PRKCD: variants seen among roughly 807,000 people sequenced by gnomAD.
PRKCD encodes protein kinase C delta type.
PRKCD carries 20 observed loss-of-function variants against 82.2 expected under a neutral mutation model. The ratio of observed to expected loss-of-function variants is 0.24; its 90% CI spans 0.17 to 0.35. PRKCD has a LOEUF of 0.35. Ranked by LOEUF, PRKCD falls within the 10% of genes least tolerant of loss-of-function variation. PRKCD has a pLI of 1.00. For missense variants in PRKCD, 607 were observed against 899.0 expected (o/e 0.68, Z 4.15); for synonymous variants, 317 against 337.0 (o/e 0.94, Z 0.65).
rs377760765 is a variant in PRKCD, at chr3:53,184,825, C to T, written c.788-49C>T. The T allele has an allele frequency of 6.3e-4, 974 of 1,545,678 alleles. 1 individual carries two copies. The highest frequency in any genetic ancestry group is 8.1e-4 in the Non-Finnish European group (905 of 1,118,388). ...TGCGCCTCTCCTACACTGCCCCCTG[C>T]CCTTGGCTGAGCTCTGAGACTGACA... On this transcript the variant is annotated intron_variant, in intron 9 of 18. Coordinates refer to ENST00000330452, the MANE Select transcript of PRKCD (RefSeq NM_006254.4).
intron 18 of PRKCD, among the ~76,000 whole-genome samples, chr3:53,190,881 G>A (rs1227883671): frequency 5.5e-5 from 8 of 144,680 alleles, no homozygotes; most frequent in African/African-American, 2.0e-4. Context: ...TGACAGGCTA[G>A]GCCAGCTGCA....
chr3:53,171,168 G>A (rs1277864628), intron 2 of PRKCD, among the ~76,000 whole-genome samples: 2 of 152,164 alleles, frequency 1.3e-5, no homozygotes, highest in African/African-American at 4.8e-5. Flanking sequence ...CACAGGATCT[G>A]GCTCTCTGGC....
At chr3:53,161,748 C>T (rs145149821) in intron 1 of PRKCD, among the ~76,000 whole-genome samples, 247 of 151,998 alleles carry the variant, frequency 1.6e-3, no homozygotes, top group Middle Eastern at 3.4e-3. Flanking sequence ...CCGTCTGTCG[C>T]CACCCACTCT....
In PRKCD at chr3:53,192,221, C is replaced by T. The variant is rs1482831888; in HGVS notation, c.1986C>T (p.Gly662=). The T allele has an allele frequency of 3.7e-6, 6 of 1,614,080 alleles. No individual in the cohort carries two copies. The highest frequency in any genetic ancestry group is 5.1e-6 in the Non-Finnish European group (6 of 1,180,038). The change falls in exon 19 of 19, where the codon GGC becomes GGT. Residue 662 remains glycine (G), a synonymous_variant. Transcript: ENST00000330452. ...CCATGGACCAGTCTGCATTCGCTGG[C>T]TTCTCCTTTGTGAACCCCAAATTCG... The part of the protein sequence containing the change: ...IDSMDQSAFA[G]FSFVNPKFEH...
At chr3:53,173,985 A>G (rs1242200787) in intron 2 of PRKCD, among the ~76,000 whole-genome samples, 1 of 151,984 alleles carries the variant, frequency 6.6e-6, no homozygotes, top group Admixed American at 6.5e-5. Flanking sequence ...TCTTCCCAAC[A>G]TGGCATACTG....
At chr3:53,188,885 G>T in intron 16 of PRKCD, 27 bp downstream of exon 16, 2 of 1,612,158 alleles carry the variant, frequency 1.2e-6, no homozygotes, top group Non-Finnish European at 1.7e-6. Context: ...CCAGCCCCCC[G>T]CTCAGTCAGG....
At chr3:53,183,000 T>C (rs1703507311) in intron 7 of PRKCD, 121 bp from the exon 8 acceptor site, 1 of 933,526 alleles carries the variant, frequency 1.1e-6, no homozygotes, top group Non-Finnish European at 1.7e-6. Flanking sequence ...GGTGAGGGTG[T>C]GGGCGGTCAG....
intron 10 of PRKCD, 73 bp from the exon 11 acceptor site, chr3:53,185,531 G>C (rs1354267472): frequency 7.9e-7 from 1 of 1,269,962 alleles, no homozygotes; most frequent in Admixed American, 1.7e-5. Flanking sequence ...TTATACCTGG[G>C]AGTCTTCCTT....
chr3:53,181,945 T>C lies in PRKCD; in HGVS notation c.571+213T>C, dbSNP rs1553667716. ...CTGCGCATCTCTTCCCAGCTCCGCATTCAGTGACGGGGAGTTGGTGGATGG... is the reference window on the plus strand; with the variant it reads ...CTGCGCATCTCTTCCCAGCTCCGCACTCAGTGACGGGGAGTTGGTGGATGG... On this transcript the variant is annotated intron_variant, in intron 7 of 18. Coordinates refer to ENST00000330452, the MANE Select transcript of PRKCD (RefSeq NM_006254.4). 3 of 755,856 alleles carry C rather than the reference T, an allele frequency of 4.0e-6. No homozygotes were observed. In the South Asian group the frequency reaches 4.4e-5, roughly 11 times the overall value. 46.8% of individuals were successfully genotyped at this position (755,856 alleles called of 1,614,324 possible).
At chr3:53,173,963 C>CG (rs1421776181) in intron 2 of PRKCD, among the ~76,000 whole-genome samples, 4 of 152,238 alleles carry the variant, frequency 2.6e-5, no homozygotes, top group African/African-American at 9.6e-5. Context: ...CCTTTTCTCT[C>CG]TCTTTGTCTC....
intron 11 of PRKCD, 89 bp from the exon 12 acceptor site, chr3:53,185,838 G>A: frequency 6.5e-7 from 1 of 1,532,906 alleles, no homozygotes; most frequent in Non-Finnish European, 9.0e-7. Context: ...CCTCTCTGAG[G>A]CCCCTTCCCC....
At chr3:53,188,319 C>A (rs1019580315) in intron 15 of PRKCD, among the ~76,000 whole-genome samples, 1 of 151,312 alleles carries the variant, frequency 6.6e-6, no homozygotes, top group African/African-American at 2.4e-5. Context: ...GTACTGTTTG[C>A]CATTTCTAGT....
intron 15 of PRKCD, 40 bp from the exon 16 acceptor site, chr3:53,188,680 A>G (rs201590983): frequency 8.3e-5 from 134 of 1,610,830 alleles, no homozygotes; most frequent in Non-Finnish European, 1.1e-4. Flanking sequence ...GAAGGAGAAG[A>G]AATGTCCCCT....
Position 53,167,321 on chromosome 3 carries a change from G to A in PRKCD, c.-20+2106G>A, listed in dbSNP as rs139177727. 3.8e-3 allele frequency among the ~76,000 whole-genome samples: 573 copies of A among 152,316 alleles called. 3 individuals carry two copies. The highest frequency in any genetic ancestry group is 9.4e-3 in the African/African-American group (390 of 41,574). On this transcript the variant is annotated intron_variant, in intron 2 of 18. Coordinates refer to ENST00000330452, the MANE Select transcript of PRKCD (RefSeq NM_006254.4). ...AGGGCTGCCCAGGCCTTTTTGGGGG[G>A]CTCTAGGAGAAGGGCAGGGGGCAGG... is the stretch of plus-strand genomic sequence containing the variant.
chr3:53,188,505 C>T (rs1443160133), intron 15 of PRKCD, among the ~76,000 whole-genome samples: 1 of 152,180 alleles, frequency 6.6e-6, no homozygotes, highest in Non-Finnish European at 1.5e-5. Context: ...GGAAGTAGGG[C>T]AGTGTATGCC....
chr3:53,167,822 G>A (rs1702882383), intron 2 of PRKCD, among the ~76,000 whole-genome samples: 1 of 152,180 alleles, frequency 6.6e-6, no homozygotes, highest in African/African-American at 2.4e-5. Flanking sequence ...TGAGGAGCCA[G>A]GTCTCTGACT....
rs111684959 is a variant in PRKCD, at chr3:53,178,038, C to T, written c.-19-366C>T. Among the ~76,000 whole-genome samples, 915 of 151,614 alleles carry T rather than the reference C, an allele frequency of 6.0e-3. 14 individuals carry two copies. The highest frequency in any genetic ancestry group is 0.021 in the African/African-American group (881 of 41,278). ...TTGGCTCACTGCAACCTCCGCCTCCCGGGTTCAAGTGATTCTCCTGCCTCA... is the reference window on the plus strand; with the variant it reads ...TTGGCTCACTGCAACCTCCGCCTCCTGGGTTCAAGTGATTCTCCTGCCTCA... On this transcript the variant is annotated intron_variant, in intron 2 of 18. Coordinates refer to ENST00000330452, the MANE Select transcript of PRKCD (RefSeq NM_006254.4).
intron 18 of PRKCD, among the ~76,000 whole-genome samples, chr3:53,191,262 G>C (rs1433916912): frequency 6.6e-6 from 1 of 152,088 alleles, no homozygotes; most frequent in African/African-American, 2.4e-5. Flanking sequence ...AAAAAAATTA[G>C]CCGGGTACGG....
intron 15 of PRKCD, among the ~76,000 whole-genome samples, chr3:53,188,183 G>C (rs1323985631): frequency 2.5e-4 from 1 of 4,056 alleles, no homozygotes; most frequent in Admixed American, 9.8e-3. Context: ...ATGAGACTGT[G>C]TCTCAAAAAA....
Sources: allele counts gnomAD v4.1 joint callset (sites outside exome capture counted in the v4.1 genomes callset), GRCh38; gene constraint gnomAD v4.1.1; transcripts MANE v1.5; gene names NCBI Gene and HGNC (gene_info 2026-07-23, HGNC 2026-07-21).